NUP214: variants seen among roughly 807,000 people sequenced by gnomAD.
NUP214 encodes the protein nuclear pore complex protein Nup214.
A neutral mutation model predicts 196.2 loss-of-function variants in NUP214; 79 were observed. That is an observed-to-expected ratio of 0.40 (90% CI 0.34 to 0.49). NUP214 has a LOEUF of 0.49. Ranked by LOEUF, NUP214 falls within the 20% of genes least tolerant of loss-of-function variation. NUP214 has a pLI of 0.58. For missense variants in NUP214, 2,468 were observed against 2,539.0 expected, an observed-to-expected ratio of 0.97 and a Z score of 0.60; for synonymous variants, 1,020 against 990.5, an observed-to-expected ratio of 1.03 and a Z score of -0.56.
At chr9:131,215,130 G>A (rs773149864) in intron 30 of NUP214, 82 bp from the exon 31 acceptor site, 18 of 1,299,098 alleles carry the variant, frequency 1.4e-5, no homozygotes, top group Non-Finnish European at 1.8e-5. Flanking sequence ...CCAGCTGTGA[G>A]CACCTCCTGC....
chr9:131,217,603 C>CA, intron 31 of NUP214, among the ~76,000 whole-genome samples: 1 of 152,280 alleles, frequency 6.6e-6, no homozygotes, highest in East Asian at 1.9e-4. Flanking sequence ...GCCAGAAAGT[C>CA]ACAGATATAG....
intron 30 of NUP214, among the ~76,000 whole-genome samples, chr9:131,203,275 T>C (rs577887703): frequency 2.0e-5 from 3 of 152,280 alleles, no homozygotes; most frequent in South Asian, 2.1e-4. Flanking sequence ...AATTAACTCA[T>C]GTAAGCATCA....
At position 131,125,589 on chromosome 9, in the gene NUP214, GT is replaced by G. The variant is rs776777100; in HGVS notation, c.-115del. The G allele has an allele frequency of 1.4e-5, 22 of 1,547,674 alleles. 1 individual carries two copies. The South Asian group carries it at 2.6e-4, about 18-fold the overall frequency. On this transcript the variant is annotated 5_prime_UTR_variant, in exon 1 of 36. Coordinates refer to ENST00000359428, the MANE Select transcript of NUP214 (RefSeq NM_005085.4). This position sits in a 1 kb window ranked among gnomAD's most constrained non-coding sequence, Gnocchi z 4.1. ...CACCAAAGCGCGCCGGAAATGCGAG[GT>G]CAACTGCGCGCCGCTGGCGCTGAGG...
intron 30 of NUP214, among the ~76,000 whole-genome samples, chr9:131,211,262 T>C (rs1482449644): frequency 2.0e-5 from 3 of 152,220 alleles, no homozygotes; most frequent in African/African-American, 7.2e-5. Context: ...TGGTTTAGGT[T>C]AGATGGTCAG....
At chr9:131,180,291 A>G (rs976762616) in intron 24 of NUP214, among the ~76,000 whole-genome samples, 3 of 152,266 alleles carry the variant, frequency 2.0e-5, no homozygotes, top group Admixed American at 2.0e-4. Flanking sequence ...ATAATCATTT[A>G]TTGAATAATA....
At chr9:131,207,163 A>G (rs955194447) in intron 30 of NUP214, among the ~76,000 whole-genome samples, 1 of 152,244 alleles carries the variant, frequency 6.6e-6, no homozygotes, top group African/African-American at 2.4e-5. Flanking sequence ...AATCCAGATG[A>G]TGTAGAAGTC....
At chr9:131,133,255 T>G in intron 7 of NUP214, 46 bp downstream of exon 7, 1 of 1,213,244 alleles carries the variant, frequency 8.2e-7, no homozygotes, top group East Asian at 2.7e-5. Context: ...TAGAGAAGTC[T>G]TCTAATAAAG....
chr9:131,178,847 C>G (rs185240562), intron 24 of NUP214, among the ~76,000 whole-genome samples: 5 of 151,986 alleles, frequency 3.3e-5, no homozygotes, highest in African/African-American at 9.7e-5. Flanking sequence ...CTTCCCATTT[C>G]TTTTGCTTTT....
chr9:131,134,797 T>C, intron 7 of NUP214, 101 bp from the exon 8 acceptor site: 1 of 738,706 alleles, frequency 1.4e-6, no homozygotes, highest in Non-Finnish European at 2.3e-6. Context: ...GAGTAAATAT[T>C]CTCATATAAC....
At chr9:131,130,151 G>GTTTTTTTTTTTTTTTTTTTTTTTTTTTTT (rs56836232) in intron 4 of NUP214, among the ~76,000 whole-genome samples, 1 of 109,218 alleles carries the variant, frequency 9.2e-6, no homozygotes, top group African/African-American at 3.6e-5. Flanking sequence ...TTTTTTTTTT[G>GTTTTTTTTTTTTTTTTTTTTTTTTTTTTT]TTTTTTTTTT....
Position 131,146,835 on chromosome 9 carries a change from C to T in NUP214, c.1945+531C>T, listed in dbSNP as rs899781372. Among the ~76,000 whole-genome samples, 3 of 151,430 alleles carry T rather than the reference C, an allele frequency of 2.0e-5. No individual in the cohort carries two copies. The highest frequency in any genetic ancestry group is 1.3e-4 in the Admixed American group (2 of 15,184). On this transcript the variant is annotated intron_variant, in intron 13 of 35. Coordinates refer to ENST00000359428, the MANE Select transcript of NUP214 (RefSeq NM_005085.4). This position sits in a 1 kb window ranked among gnomAD's most constrained non-coding sequence, Gnocchi z 4.6. ...ATCCCAGCTACTCAGGAGGCTGAGG[C>T]GGGAGAATCACTTGAACCTAGGAGG... is the stretch of plus-strand genomic sequence containing the variant.
At chr9:131,142,924 CA>C (rs1831965140) in intron 11 of NUP214, among the ~76,000 whole-genome samples, 1 of 152,086 alleles carries the variant, frequency 6.6e-6, no homozygotes, top group African/African-American at 2.4e-5. Context: ...AATATTGACA[CA>C]AAGAATTCTT....
chr9:131,130,137 G>GTTTTGTTTTTTT (rs1564176236), intron 4 of NUP214, among the ~76,000 whole-genome samples: 3 of 76,894 alleles, frequency 3.9e-5, no homozygotes, highest in Admixed American at 2.1e-4. Flanking sequence ...TTCTGGTTTT[G>GTTTTGTTTTTTT]TTTTTTTTTT....
chr9:131,144,876 A>G, intron 12 of NUP214, 122 bp downstream of exon 12: 1 of 757,420 alleles, frequency 1.3e-6, no homozygotes, highest in Non-Finnish European at 2.1e-6. Flanking sequence ...CCAGAGTGAT[A>G]CTTGCAAATG....
At chr9:131,208,844 G>A (rs543706292) in intron 30 of NUP214, among the ~76,000 whole-genome samples, 82 of 150,414 alleles carry the variant, frequency 5.5e-4, no homozygotes, top group African/African-American at 1.7e-3. Context: ...GTGACACACC[G>A]TCTCTACTAA....
At position 131,178,421 on chromosome 9, in the gene NUP214, A is replaced by C; in HGVS notation, c.3419+11A>C. The C allele has an allele frequency of 6.3e-7, 1 of 1,594,762 alleles. No individual in the cohort carries two copies. Among genetic ancestry groups the C allele is most frequent in the East Asian group, 2.2e-5 (1 of 44,758 alleles). On this transcript the variant is annotated intron_variant, in intron 24 of 35. Transcript: ENST00000359428. ...TTCTACAGCCATGGGGTATGTTCTGACTGCAGTGTGTTTCAGCCCCTGGCT... is the reference window on the plus strand; with the variant it reads ...TTCTACAGCCATGGGGTATGTTCTGCCTGCAGTGTGTTTCAGCCCCTGGCT...
At chr9:131,214,621 C>T (rs779376369) in intron 30 of NUP214, among the ~76,000 whole-genome samples, 14 of 152,220 alleles carry the variant, frequency 9.2e-5, no homozygotes, top group South Asian at 2.1e-4. Flanking sequence ...GCATTTGCCC[C>T]TGTGCTAGCA....
In NUP214 at chr9:131,125,589, G is replaced by A. The variant is rs184944546; in HGVS notation, c.-116G>A. 1.0e-4 allele frequency: 157 copies of A among 1,547,672 alleles called. No homozygotes were observed. Among genetic ancestry groups the A allele is most frequent in the African/African-American group, 3.8e-4 (28 of 73,016 alleles). On this transcript the variant is annotated 5_prime_UTR_variant, in exon 1 of 36. Coordinates refer to ENST00000359428, the MANE Select transcript of NUP214 (RefSeq NM_005085.4). This position sits in a 1 kb window ranked among gnomAD's most constrained non-coding sequence, Gnocchi z 4.1. ...CACCAAAGCGCGCCGGAAATGCGAG[G>A]TCAACTGCGCGCCGCTGGCGCTGAG... is the stretch of plus-strand genomic sequence containing the variant.
At position 131,144,610 on chromosome 9, in the gene NUP214, C is replaced by T; in HGVS notation, c.1625C>T (p.Ser542Leu). The change falls in exon 12 of 36, where the codon TCA becomes TTA. Residue 542 changes from serine to leucine, a missense_variant. Ser to Leu is a moderately radical substitution (Grantham distance 145). Coordinates refer to ENST00000359428, the MANE Select transcript of NUP214 (RefSeq NM_005085.4). ...CCTGCAGCGTCTCCTGTGGCTCCAT[C>T]AGCTGCTTCATTCTCCTTTGGATCA... ...PTPAASPVAP[S>L]AASFSFGSSG... 1 of 1,614,198 alleles carries T rather than the reference C, an allele frequency of 6.2e-7. No individual in the cohort carries two copies. Among genetic ancestry groups the T allele is most frequent in the Non-Finnish European group, 8.5e-7 (1 of 1,180,036 alleles).
Sources: gnomAD v4.1 joint callset for allele counts (sites outside exome capture counted in the v4.1 genomes callset) on GRCh38, gnomAD v4.1.1 for gene constraint, Gnocchi (gnomAD v3.1) non-coding constraint, MANE v1.5 for transcripts, NCBI Gene and HGNC (gene_info 2026-07-23, HGNC 2026-07-21) for gene names.